The following RNF2 variants were observed in gnomAD, a reference collection of about 807,000 sequenced individuals.
The protein encoded by RNF2 is ring finger protein 2.
A neutral mutation model predicts 37.2 loss-of-function variants in RNF2; 6 were observed. The observed-to-expected ratio is 0.16, with a 90% CI of 0.09 to 0.32. The LOEUF is 0.32. Ranked by LOEUF, RNF2 falls within the 10% of genes least tolerant of loss-of-function variation. The pLI is 1.00. For synonymous variants in RNF2, 133 were observed against 132.7 expected, an observed-to-expected ratio of 1.00 and a Z score of -0.02; for missense variants, 251 against 404.0, an observed-to-expected ratio of 0.62 and a Z score of 3.25.
chr1:185,079,276 T>A (rs1651276076), intron 1 of RNF2, among the ~76,000 whole-genome samples: 1 of 152,138 alleles, frequency 6.6e-6, no homozygotes, highest in Non-Finnish European at 1.5e-5. Flanking sequence ...AAATTGGGCC[T>A]GTGAAACAAC....
Position 185,082,345 on chromosome 1 carries a change from C to CTTTTTTTTTTTTTTTTTTTTTTTTTTTT in RNF2, c.-2-5185_-2-5184insTTTTTTTTTTTTTTTTTTTTTTTTTTTT, listed in dbSNP as rs3036553. On this transcript the variant is annotated intron_variant, in intron 1 of 6. Transcript: ENST00000367510. ...CAAGGTTCTTGTCTCCTCTGCAGAA[C>CTTTTTTTTTTTTTTTTTTTTTTTTTTTT]TTTTTTTTTTTTTTTTTTTTTTGAA... Among the ~76,000 whole-genome samples the CTTTTTTTTTTTTTTTTTTTTTTTTTTTT allele has an allele frequency of 1.2e-3, 88 of 71,982 alleles. 17 individuals carry two copies. Among genetic ancestry groups the CTTTTTTTTTTTTTTTTTTTTTTTTTTTT allele is most frequent in the Non-Finnish European group, 1.7e-3 (59 of 34,588 alleles). The allele number at this position is 71,982 out of a possible 152,430, so 47.2% of individuals were successfully genotyped here.
chr1:185,053,883 T>C (rs1346742073), intron 1 of RNF2, among the ~76,000 whole-genome samples: 1 of 151,866 alleles, frequency 6.6e-6, no homozygotes, highest in East Asian at 2.0e-4. Flanking sequence ...ACTTAATGTC[T>C]TGTATTAAAA....
At chr1:185,079,719 C>T (rs1369937595) in intron 1 of RNF2, among the ~76,000 whole-genome samples, 1 of 152,140 alleles carries the variant, frequency 6.6e-6, no homozygotes, top group Admixed American at 6.5e-5. Flanking sequence ...CATCTGAGGT[C>T]AGGAGTTTGA....
In RNF2 at chr1:185,089,223, G is replaced by C. The variant is rs183771621; in HGVS notation, c.87+1583G>C. On this transcript the variant is annotated intron_variant, in intron 2 of 6. Coordinates refer to ENST00000367510, the MANE Select transcript of RNF2 (RefSeq NM_007212.4). Reference sequence around the variant, plus strand: ...CACCACTGATCTGACAGGAGGCAGAGCTTAGGCAGTAATGCTTACTTGCCT... The same window carrying C: ...CACCACTGATCTGACAGGAGGCAGACCTTAGGCAGTAATGCTTACTTGCCT... 6.3e-3 allele frequency among the ~76,000 whole-genome samples: 955 copies of C among 152,352 alleles called. 8 individuals are homozygous for C. Among genetic ancestry groups the C allele is most frequent in the Non-Finnish European group, 8.9e-3 (606 of 68,034 alleles).
intron 1 of RNF2, among the ~76,000 whole-genome samples, chr1:185,078,311 C>T (rs1057426691): frequency 3.3e-5 from 5 of 152,100 alleles, no homozygotes; most frequent in Non-Finnish European, 5.9e-5. Context: ...ATGTCTTTTG[C>T]CCCCAAATTA....
At chr1:185,076,762 G>A (rs1651179527) in intron 1 of RNF2, among the ~76,000 whole-genome samples, 1 of 151,522 alleles carries the variant, frequency 6.6e-6, no homozygotes, top group East Asian at 1.9e-4. Flanking sequence ...ATATTGATCT[G>A]TTTTTCTTTT....
chr1:185,062,538 A>G (rs549285503), intron 1 of RNF2, among the ~76,000 whole-genome samples: 99 of 152,258 alleles, frequency 6.5e-4, no homozygotes, highest in Middle Eastern at 3.4e-3. Context: ...TCCTCTTTAC[A>G]TGTAAAAAAA....
chr1:185,053,340 CTT>C (rs796310068), intron 1 of RNF2, among the ~76,000 whole-genome samples: 1 of 143,776 alleles, frequency 7.0e-6, no homozygotes, highest in Non-Finnish European at 1.5e-5. Flanking sequence ...TTTTCTTTTT[CTT>C]TTTTTTTTTA....
At chr1:185,067,259 C>T (rs1009208109) in intron 1 of RNF2, among the ~76,000 whole-genome samples, 1 of 152,164 alleles carries the variant, frequency 6.6e-6, no homozygotes, top group Non-Finnish European at 1.5e-5. Context: ...CAGAAATTAG[C>T]GTCTGTCTTA....
Position 185,087,656 on chromosome 1 carries a change from A to T in RNF2, c.87+16A>T. On this transcript the variant is annotated intron_variant, in intron 2 of 6. Coordinates refer to ENST00000367510, the MANE Select transcript of RNF2 (RefSeq NM_007212.4). ...AACACCTCAGGTAATGACTAAGATG[A>T]CTGCCAAGGGGCATATGAGACGTGT... The T allele has an allele frequency of 6.3e-7, 1 of 1,589,298 alleles. No homozygotes were observed. Among genetic ancestry groups the T allele is most frequent in the Non-Finnish European group, 8.6e-7 (1 of 1,157,436 alleles).
At chr1:185,095,277 T>C (rs112305839) in intron 4 of RNF2, among the ~76,000 whole-genome samples, 25 of 152,346 alleles carry the variant, frequency 1.6e-4, no homozygotes, top group African/African-American at 6.0e-4. Context: ...GGTGGGGCTG[T>C]ATGATAGGCA....
intron 1 of RNF2, among the ~76,000 whole-genome samples, chr1:185,077,625 G>GTTTTTTTTTTTTTTTTTTTTTTTTTT (rs528747420): frequency 3.5e-5 from 4 of 115,694 alleles, no homozygotes; most frequent in African/African-American, 1.3e-4. Context: ...AATTAACTTT[G>GTTTTTTTTTTTTTTTTTTTTTTTTTT]TTTTTTTTTT....
intron 1 of RNF2, among the ~76,000 whole-genome samples, chr1:185,062,879 A>G (rs1422534403): frequency 6.6e-6 from 1 of 151,948 alleles, no homozygotes; most frequent in East Asian, 1.9e-4. Flanking sequence ...GAGGCTTGCC[A>G]ATTAAAACAA....
chr1:185,070,958 C>G (rs570333665), intron 1 of RNF2, among the ~76,000 whole-genome samples: 2 of 152,256 alleles, frequency 1.3e-5, no homozygotes, highest in Admixed American at 6.5e-5. Context: ...TTTTTATTCC[C>G]TCAACTAACT....
chr1:185,088,163 G>A (rs908397053), intron 2 of RNF2, among the ~76,000 whole-genome samples: 7 of 152,168 alleles, frequency 4.6e-5, no homozygotes, highest in Non-Finnish European at 1.0e-4. Context: ...GGGATTGACA[G>A]CACATTTTAA....
intron 1 of RNF2, among the ~76,000 whole-genome samples, chr1:185,070,796 G>GC (rs1650948075): frequency 6.6e-6 from 1 of 151,808 alleles, no homozygotes; most frequent in Admixed American, 6.6e-5. Context: ...CCGCCACCTC[G>GC]CCGGCTCATT....
chr1:185,095,560 A>G (rs1318002777), intron 4 of RNF2, among the ~76,000 whole-genome samples: 2 of 152,234 alleles, frequency 1.3e-5, no homozygotes, highest in Non-Finnish European at 2.9e-5. Context: ...CTACACTAGA[A>G]TTATGACCCC....
rs1650244521 is a variant in RNF2, at chr1:185,050,617, T to C, written c.-3+4968T>C. ...TTCAGTGGCTGATGGAAATAAAATA[T>C]TGATCATTACCTTTTTAGACATCAT... is the stretch of plus-strand genomic sequence containing the variant. On this transcript the variant is annotated intron_variant, in intron 1 of 6. Coordinates refer to ENST00000367510, the MANE Select transcript of RNF2 (RefSeq NM_007212.4). 2.6e-5 allele frequency among the ~76,000 whole-genome samples: 4 copies of C among 152,254 alleles called. No individual in the cohort carries two copies. The South Asian group carries it at 8.3e-4, about 32-fold the overall frequency.
chr1:185,099,717 A>T, intron 5 of RNF2, 74 bp from the exon 6 acceptor site: 1 of 1,205,546 alleles, frequency 8.3e-7, no homozygotes, highest in Non-Finnish European at 1.2e-6. Context: ...GAAATGTATT[A>T]GTTCCATAAT....
Sources: allele counts gnomAD v4.1 joint callset (sites outside exome capture counted in the v4.1 genomes callset), GRCh38; gene constraint gnomAD v4.1.1; transcripts MANE v1.5; gene names NCBI Gene and HGNC (gene_info 2026-07-23, HGNC 2026-07-21).